MTHFD1L: variants seen among roughly 807,000 people sequenced by gnomAD.
The protein encoded by MTHFD1L is methylenetetrahydrofolate dehydrogenase (NADP+ dependent) 1 like, also known as monofunctional C1-tetrahydrofolate synthase, mitochondrial.
Under a neutral mutation model 119.5 loss-of-function variants are expected in MTHFD1L, and 81 were observed. That is an observed-to-expected ratio of 0.68 (90% CI 0.57 to 0.82). The LOEUF is 0.82. Among genes scored for constraint, MTHFD1L ranks in the 40% least tolerant of loss-of-function variants. The pLI is 0.00. For missense variants in MTHFD1L, 1,125 were observed against 1,253.4 expected, an observed-to-expected ratio of 0.90 and a Z score of 1.55; for synonymous variants, 430 against 475.2, an observed-to-expected ratio of 0.90 and a Z score of 1.24.
At chr6:151,073,688 TAA>T (rs59835432) in intron 26 of MTHFD1L, among the ~76,000 whole-genome samples, 62,146 of 149,208 alleles carry the variant, frequency 0.42, 15,176 homozygotes, top group East Asian at 0.71. Context: ...CCTGAAATGA[TAA>T]AAAAAAAAAA....
intron 16 of MTHFD1L, among the ~76,000 whole-genome samples, chr6:150,949,723 C>G (rs1794581942): frequency 6.6e-6 from 1 of 152,228 alleles, no homozygotes; most frequent in Non-Finnish European, 1.5e-5. Context: ...CCCCTTCCTT[C>G]TCCCACACTG....
In MTHFD1L at chr6:150,865,942, C is replaced by T; in HGVS notation, c.120C>T (p.Gly40=). The change falls in exon 1 of 28, where the codon GGC becomes GGT. Residue 40 remains glycine (G), a synonymous_variant. Coordinates refer to ENST00000367321, the MANE Select transcript of MTHFD1L (RefSeq NM_015440.5). ...RASSGGGGGG[G]GGREGLLGQR... is the part of the protein sequence containing the mutation. Reference sequence around the variant, plus strand: ...GCAGCGGCGGCGGCGGAGGCGGCGGCGGTGGCCGGGAGGGCCTGCTTGGAC... The same window carrying T: ...GCAGCGGCGGCGGCGGAGGCGGCGGTGGTGGCCGGGAGGGCCTGCTTGGAC... 3.3e-6 allele frequency: 4 copies of T among 1,218,362 alleles called. No individual in the cohort carries two copies. Among genetic ancestry groups the T allele is most frequent in the Admixed American group, 4.4e-5 (1 of 22,680 alleles). 75.5% of individuals were successfully genotyped at this position (1,218,362 alleles called of 1,614,324 possible).
chr6:150,960,485 G>GT, intron 18 of MTHFD1L, 70 bp downstream of exon 18: 1 of 1,508,328 alleles, frequency 6.6e-7, no homozygotes, highest in South Asian at 1.3e-5. Flanking sequence ...AAAAAGAAAG[G>GT]TTTTCTTCCT....
chr6:151,055,778 G>A (rs534564093), intron 26 of MTHFD1L: 27 of 152,076 alleles, frequency 1.8e-4, no homozygotes, highest in Non-Finnish European at 3.2e-4. Context: ...TGCCTGCCTC[G>A]GCCTCCCAAA....
intron 4 of MTHFD1L, among the ~76,000 whole-genome samples, chr6:150,878,591 G>A (rs1446816605): frequency 6.6e-6 from 1 of 152,220 alleles, no homozygotes; most frequent in African/African-American, 2.4e-5. Flanking sequence ...AAGTTTGGAA[G>A]TAGGCAGTCC....
intron 24 of MTHFD1L, among the ~76,000 whole-genome samples, chr6:151,026,820 CTTTTT>C (rs1158007442): frequency 2.0e-5 from 1 of 51,264 alleles, no homozygotes; most frequent in African/African-American, 8.5e-5. Context: ...CCTTTCTATC[CTTTTT>C]TTTTTTTTTT....
At chr6:150,969,044 T>C (rs934583700) in intron 19 of MTHFD1L, among the ~76,000 whole-genome samples, 1 of 151,822 alleles carries the variant, frequency 6.6e-6, no homozygotes, top group Non-Finnish European at 1.5e-5. Context: ...AGACAGGGTT[T>C]TACCATGTTG....
intron 26 of MTHFD1L, among the ~76,000 whole-genome samples, chr6:151,063,746 G>A (rs911874566): frequency 3.9e-5 from 6 of 152,184 alleles, no homozygotes; most frequent in African/African-American, 1.4e-4. Flanking sequence ...TTAAGGGAAT[G>A]TAAGAATTAA....
intron 26 of MTHFD1L, among the ~76,000 whole-genome samples, chr6:151,066,750 G>A (rs116884012): frequency 0.048 from 7,153 of 147,894 alleles, 221 homozygotes; most frequent in Middle Eastern, 0.097. Context: ...GGGCAATAGA[G>A]CAAAACTCCG....
chr6:151,072,672 C>G (rs1259622877), intron 26 of MTHFD1L, among the ~76,000 whole-genome samples: 1 of 152,028 alleles, frequency 6.6e-6, no homozygotes, highest in East Asian at 1.9e-4. Flanking sequence ...ATCTGTAATC[C>G]CAGCAACTTG....
At chr6:150,980,423 C>T (rs1300287724) in intron 20 of MTHFD1L, among the ~76,000 whole-genome samples, 1 of 152,178 alleles carries the variant, frequency 6.6e-6, no homozygotes, top group Non-Finnish European at 1.5e-5. Flanking sequence ...TCAAGCTGCT[C>T]CTCTGTCCTT....
chr6:150,907,897 A>AT (rs11442424), intron 8 of MTHFD1L, among the ~76,000 whole-genome samples: 38,164 of 140,798 alleles, frequency 0.27, 6,514 homozygotes, highest in African/African-American at 0.5. Flanking sequence ...GCTCTGTGAA[A>AT]TTTTTTTTTT....
intron 27 of MTHFD1L, among the ~76,000 whole-genome samples, chr6:151,098,993 T>C (rs900481613): frequency 6.6e-6 from 1 of 151,990 alleles, no homozygotes; most frequent in Admixed American, 6.6e-5. Context: ...CTGGCCAACA[T>C]GGTGAAACCC....
intron 21 of MTHFD1L, among the ~76,000 whole-genome samples, chr6:151,011,029 G>T (rs1040514674): frequency 1.3e-5 from 2 of 152,190 alleles, no homozygotes; most frequent in East Asian, 3.9e-4. Context: ...GACAATGTCA[G>T]CAGGCCAGCA....
intron 18 of MTHFD1L, among the ~76,000 whole-genome samples, chr6:150,964,263 T>C (rs1264056452): frequency 1.3e-5 from 2 of 152,342 alleles, no homozygotes; most frequent in African/African-American, 4.8e-5. Flanking sequence ...TCATGCATCA[T>C]CCCTATTCTC....
intron 20 of MTHFD1L, among the ~76,000 whole-genome samples, chr6:150,972,672 A>G (rs1420559355): frequency 2.0e-5 from 3 of 152,352 alleles, no homozygotes; most frequent in South Asian, 2.1e-4. Flanking sequence ...CGTACTGTCT[A>G]ATGGTAATTG....
intron 26 of MTHFD1L, among the ~76,000 whole-genome samples, chr6:151,061,848 G>T (rs549378561): frequency 6.6e-6 from 1 of 152,306 alleles, no homozygotes; most frequent in African/African-American, 2.4e-5. Context: ...ATGTGGCTTG[G>T]TTGCACATTT....
intron 26 of MTHFD1L, among the ~76,000 whole-genome samples, chr6:151,078,924 A>G (rs1204910057): frequency 6.6e-6 from 1 of 152,144 alleles, no homozygotes; most frequent in African/African-American, 2.4e-5. Flanking sequence ...GATTATGGTC[A>G]AGAAAGAGCC....
At position 150,921,948 on chromosome 6, in the gene MTHFD1L, C is replaced by G. The variant is rs141371767; in HGVS notation, c.985-257C>G. ...GCATATTTAAGAAACAGAGCAGCTT[C>G]TTTTAATACTATCAAACTCTTCAGT... is the stretch of plus-strand genomic sequence containing the variant. On this transcript the variant is annotated intron_variant, in intron 9 of 27. Coordinates refer to ENST00000367321, the MANE Select transcript of MTHFD1L (RefSeq NM_015440.5). Among the ~76,000 whole-genome samples, 286 of 152,302 alleles carry G rather than the reference C, an allele frequency of 1.9e-3. 1 individual carries two copies. Among genetic ancestry groups the G allele is most frequent in the Non-Finnish European group, 2.9e-3 (197 of 68,022 alleles).
Sources: gnomAD v4.1 joint callset for allele counts (sites outside exome capture counted in the v4.1 genomes callset) on GRCh38, gnomAD v4.1.1 for gene constraint, MANE v1.5 for transcripts, NCBI Gene and HGNC (gene_info 2026-07-23, HGNC 2026-07-21) for gene names.